C1orf21: variants seen among roughly 807,000 people sequenced by gnomAD.
C1orf21 encodes the protein uncharacterized protein C1orf21.
Under a neutral mutation model 18.7 loss-of-function variants are expected in C1orf21, and 3 were observed. The ratio of observed to expected loss-of-function variants is 0.16; its 90% CI spans 0.07 to 0.42. C1orf21 has a LOEUF of 0.42. Ranked by LOEUF, C1orf21 falls within the 10% of genes least tolerant of loss-of-function variation. The pLI is 0.99. For missense variants in C1orf21, 104 were observed against 143.6 expected, an observed-to-expected ratio of 0.72 and a Z score of 1.41; for synonymous variants, 41 against 46.4, an observed-to-expected ratio of 0.88 and a Z score of 0.47.
At chr1:184,580,066 A>G (rs1659255454) in intron 3 of C1orf21, among the ~76,000 whole-genome samples, 1 of 152,136 alleles carries the variant, frequency 6.6e-6, no homozygotes, top group South Asian at 2.1e-4. Context: ...CACTCTCCTA[A>G]TAATCAGGTG....
chr1:184,490,152 A>G (rs539708660), intron 2 of C1orf21, among the ~76,000 whole-genome samples: 1 of 152,320 alleles, frequency 6.6e-6, no homozygotes, highest in South Asian at 2.1e-4. Flanking sequence ...TGTTGGTTTC[A>G]TTTAAAACCT....
chr1:184,415,186 T>A (rs1656429817), intron 1 of C1orf21, among the ~76,000 whole-genome samples: 1 of 152,122 alleles, frequency 6.6e-6, no homozygotes. Flanking sequence ...TGGGCATAGG[T>A]AGCCCAAGTT....
intron 1 of C1orf21, among the ~76,000 whole-genome samples, chr1:184,396,107 A>G (rs1656046856): frequency 1.3e-5 from 2 of 152,194 alleles, no homozygotes; most frequent in African/African-American, 4.8e-5. Flanking sequence ...GACTTTCCAC[A>G]TATGATAGAG....
intron 1 of C1orf21, among the ~76,000 whole-genome samples, chr1:184,412,851 A>G (rs529377782): frequency 6.6e-6 from 1 of 152,276 alleles, no homozygotes; most frequent in East Asian, 1.9e-4. Context: ...AGAAAAATAT[A>G]TATCATTGCT....
At chr1:184,391,828 C>T (rs1363376656) in intron 1 of C1orf21, among the ~76,000 whole-genome samples, 1 of 152,128 alleles carries the variant, frequency 6.6e-6, no homozygotes, top group African/African-American at 2.4e-5. Flanking sequence ...ATGCCTCAGC[C>T]TCCTGAGTAG....
intron 3 of C1orf21, among the ~76,000 whole-genome samples, chr1:184,537,768 A>AG (rs1262967767): frequency 1.3e-5 from 2 of 152,044 alleles, no homozygotes; most frequent in African/African-American, 4.8e-5. Flanking sequence ...CTCCTGCCTC[A>AG]GCCTCCCGAG....
At chr1:184,491,023 C>G (rs1390172763) in intron 2 of C1orf21, among the ~76,000 whole-genome samples, 1 of 151,788 alleles carries the variant, frequency 6.6e-6, no homozygotes, top group Non-Finnish European at 1.5e-5. Flanking sequence ...AATTTGGGAA[C>G]CAAACTGATA....
chr1:184,592,916 C>T (rs1008786599), intron 4 of C1orf21, among the ~76,000 whole-genome samples: 6 of 152,154 alleles, frequency 3.9e-5, no homozygotes, highest in African/African-American at 1.4e-4. Context: ...TTTACAATGT[C>T]AGTGTAATGA....
intron 3 of C1orf21, among the ~76,000 whole-genome samples, chr1:184,559,536 T>C (rs940315651): frequency 2.8e-4 from 34 of 119,920 alleles, no homozygotes; most frequent in African/African-American, 1.2e-3. Context: ...CCTTCCTTCC[T>C]TCCTTCCTTC....
chr1:184,451,862 G>A (rs1001916806), intron 1 of C1orf21, among the ~76,000 whole-genome samples: 1 of 152,136 alleles, frequency 6.6e-6, no homozygotes, highest in East Asian at 1.9e-4. Context: ...AGTTTTCCGT[G>A]TTTATAAACT....
rs1483988430 is a variant in C1orf21, at chr1:184,530,448, T to C, written c.189+22766T>C. ...GTGATGATGAAGGCAATGATGATGA[T>C]GATGATGACAGCTACATCTTTGGAC... On this transcript the variant is annotated intron_variant, in intron 3 of 5. Transcript: ENST00000235307. Among the ~76,000 whole-genome samples the C allele has an allele frequency of 6.6e-5, 10 of 152,286 alleles. No homozygotes were observed. The East Asian group carries it at 1.9e-3, about 29-fold the overall frequency.
intron 5 of C1orf21, among the ~76,000 whole-genome samples, chr1:184,600,226 G>T (rs1307434282): frequency 1.3e-5 from 2 of 151,942 alleles, no homozygotes; most frequent in Non-Finnish European, 2.9e-5. Context: ...GAGTGCAGTG[G>T]TGCAATCTCA....
intron 3 of C1orf21, among the ~76,000 whole-genome samples, chr1:184,580,090 G>T (rs1331973140): frequency 6.6e-6 from 1 of 151,948 alleles, no homozygotes; most frequent in African/African-American, 2.4e-5. Context: ...TCATTCTTTG[G>T]CCCTCCAGAA....
intron 1 of C1orf21, among the ~76,000 whole-genome samples, chr1:184,467,923 C>T (rs1162980302): frequency 1.3e-5 from 2 of 152,018 alleles, no homozygotes; most frequent in Non-Finnish European, 2.9e-5. Context: ...TTCTTTCCAT[C>T]AGTCACAAAA....
At chr1:184,607,844 A>G (rs1479426487) in intron 5 of C1orf21, among the ~76,000 whole-genome samples, 1 of 152,094 alleles carries the variant, frequency 6.6e-6, no homozygotes, top group Admixed American at 6.6e-5. Context: ...TAAAAATTGT[A>G]TGATACCATG....
In C1orf21 at chr1:184,455,539, C is replaced by T. The variant is rs373063525; in HGVS notation, c.-124-21847C>T. Among the ~76,000 whole-genome samples, 31 of 152,326 alleles carry T rather than the reference C, an allele frequency of 2.0e-4. 1 individual carries two copies. The highest frequency in any genetic ancestry group is 1.2e-3 in the Admixed American group (19 of 15,286). On this transcript the variant is annotated intron_variant, in intron 1 of 5. Transcript: ENST00000235307. Reference sequence around the variant, plus strand: ...CTCCCATCCCCAAATCAGGGACTCTCCTTTTCTAATTCTCCCTTACAGGTG... The same window carrying T: ...CTCCCATCCCCAAATCAGGGACTCTTCTTTTCTAATTCTCCCTTACAGGTG...
At chr1:184,565,141 A>C (rs1227459124) in intron 3 of C1orf21, among the ~76,000 whole-genome samples, 1 of 152,244 alleles carries the variant, frequency 6.6e-6, no homozygotes, top group Non-Finnish European at 1.5e-5. Flanking sequence ...CAAGACTCTG[A>C]GGTTGACCTG....
intron 3 of C1orf21, among the ~76,000 whole-genome samples, chr1:184,563,998 T>C (rs904469656): frequency 1.4e-4 from 22 of 152,214 alleles, no homozygotes; most frequent in Non-Finnish European, 3.1e-4. Flanking sequence ...TTGTGGTTAC[T>C]ATGCACAAAG....
chr1:184,451,968 A>G (rs1368220559), intron 1 of C1orf21, among the ~76,000 whole-genome samples: 1 of 152,204 alleles, frequency 6.6e-6, no homozygotes, highest in Non-Finnish European at 1.5e-5. Flanking sequence ...GGAAATGAAT[A>G]AAAGCACTCC....
Sources: allele counts gnomAD v4.1 joint callset (sites outside exome capture counted in the v4.1 genomes callset), GRCh38; gene constraint gnomAD v4.1.1; transcripts MANE v1.5; gene names NCBI Gene and HGNC (gene_info 2026-07-23, HGNC 2026-07-21).